The following SPATA6L variants were observed in gnomAD, a reference collection of about 807,000 sequenced individuals.
SPATA6L encodes spermatogenesis associated 6 like.
SPATA6L carries 68 observed loss-of-function variants against 49.2 expected under a neutral mutation model. That is an observed-to-expected ratio of 1.38 (90% CI 1.14 to 1.69). The LOEUF (loss-of-function observed/expected upper bound fraction) is 1.69, where lower values mean the gene tolerates loss of function less well. Among genes scored for constraint, SPATA6L ranks in the 40% most tolerant of loss-of-function variants. The pLI, the probability that SPATA6L is intolerant of heterozygous loss-of-function variation, is 0.00. For synonymous variants in SPATA6L, 198 were observed against 165.7 expected (o/e 1.19, Z -1.50); for missense variants, 668 against 464.3 (o/e 1.44, Z -4.03).
At chr9:4,616,180 G>A (rs1827948957) in intron 9 of SPATA6L, among the ~76,000 whole-genome samples, 1 of 152,166 alleles carries the variant, frequency 6.6e-6, no homozygotes, top group African/African-American at 2.4e-5. Context: ...AGGAGGCTGA[G>A]GCAGGAGGAT....
intron 13 of SPATA6L, among the ~76,000 whole-genome samples, chr9:4,592,619 T>C (rs1821980368): frequency 1.3e-5 from 2 of 152,194 alleles, no homozygotes; most frequent in South Asian, 4.2e-4. Context: ...TGCTAGAATA[T>C]CAATTATAAC....
intron 1 of SPATA6L, chr9:4,664,272 G>C (rs941170455): frequency 1.2e-5 from 2 of 166,950 alleles, no homozygotes; most frequent in African/African-American, 4.8e-5. Context: ...TCCTCTTTCA[G>C]GGTAATAAAG....
At position 4,645,609 on chromosome 9, in the gene SPATA6L, C is replaced by G. The variant is rs375108271; in HGVS notation, c.227-10210G>C. On this transcript the variant is annotated intron_variant, in intron 3 of 11. Transcript: ENST00000682582. The stretch of plus-strand genomic sequence containing the variant: ...ATCCATGAATAGATTAACCCATTCA[C>G]AATGGTAGAGCCCTCATTACCCAAT... Among the ~76,000 whole-genome samples the G allele has an allele frequency of 3.3e-5, 5 of 152,240 alleles. No individual in the cohort carries two copies. In the East Asian group the frequency reaches 9.6e-4, roughly 29 times the overall value.
Position 4,622,432 on chromosome 9 carries a change from C to T in SPATA6L, c.748G>A (p.Asp250Asn). 6.2e-7 allele frequency: 1 copy of T among 1,613,544 alleles called. No individual in the cohort carries two copies. Among genetic ancestry groups the T allele is most frequent in the South Asian group, 1.1e-5 (1 of 91,058 alleles). The stretch of plus-strand genomic sequence containing the variant: ...CCTCTTCTCGTTGGAAACGGAAAGT[C>T]TGAAAACTTAGATTTTCTTCTAGAC... ...RRSRRKSKFS[D>N]FPFPTRRASS... is the part of the protein sequence containing the mutation. Residue 250 changes from aspartate to asparagine, a missense_variant, in exon 7 of 12, where the codon GAC becomes AAC. Transcript: ENST00000682582.
At chr9:4,603,356 G>T (rs1009796351) in intron 11 of SPATA6L, among the ~76,000 whole-genome samples, 2 of 152,178 alleles carry the variant, frequency 1.3e-5, no homozygotes, top group East Asian at 3.9e-4. Flanking sequence ...CTTGAACCTG[G>T]GGGGTGGAGG....
At chr9:4,590,384 T>C (rs1404961558) in intron 13 of SPATA6L, among the ~76,000 whole-genome samples, 1 of 152,156 alleles carries the variant, frequency 6.6e-6, no homozygotes, top group South Asian at 2.1e-4. Flanking sequence ...AACCACACAA[T>C]TGATGTCCCA....
chr9:4,594,487 C>G (rs1751280755), downstream of SPATA6L, among the ~76,000 whole-genome samples: 1 of 152,204 alleles, frequency 6.6e-6, no homozygotes, highest in Non-Finnish European at 1.5e-5. Context: ...GCTGGGATTA[C>G]AGGTGTGAGC....
chr9:4,666,163 T>C (rs776189336), intron 1 of SPATA6L, 49 bp downstream of exon 1: 7 of 1,601,066 alleles, frequency 4.4e-6, no homozygotes, highest in Non-Finnish European at 6.0e-6. Flanking sequence ...CCTGAGACTA[T>C]TTAGAGTCCG....
chr9:4,607,766 C>A (rs1321146090), intron 9 of SPATA6L, among the ~76,000 whole-genome samples: 9 of 152,146 alleles, frequency 5.9e-5, no homozygotes, highest in African/African-American at 1.4e-4. Flanking sequence ...CTAACATCAT[C>A]ATGACAGGAT....
Position 4,598,436 on chromosome 9 carries a change from C to T in SPATA6L, c.*2375G>A, listed in dbSNP as rs370274663. Among the ~76,000 whole-genome samples, 23 of 152,006 alleles carry T rather than the reference C, an allele frequency of 1.5e-4. No individual in the cohort carries two copies. Among genetic ancestry groups the T allele is most frequent in the African/African-American group, 5.3e-4 (22 of 41,454 alleles). On this transcript the variant is annotated 3_prime_UTR_variant, in exon 12 of 12. Coordinates refer to ENST00000682582, the MANE Select transcript of SPATA6L (RefSeq NM_001353486.2). ...AAAATACTTCAACTGCAATCCTTGC[C>T]CCAGCATGATTCCTCAAAATTGAGA...
At chr9:4,614,217 C>A (rs1827444800) in intron 9 of SPATA6L, among the ~76,000 whole-genome samples, 1 of 152,182 alleles carries the variant, frequency 6.6e-6, no homozygotes, top group African/African-American at 2.4e-5. Context: ...ATACAGGGAA[C>A]AGGCTTGGCA....
chr9:4,656,667 G>T (rs1838295659), intron 2 of SPATA6L, among the ~76,000 whole-genome samples: 1 of 152,192 alleles, frequency 6.6e-6, no homozygotes, highest in African/African-American at 2.4e-5. Flanking sequence ...AATAAGAAGT[G>T]CAAGAAAATT....
At chr9:4,609,431 A>G (rs575564547) in intron 9 of SPATA6L, among the ~76,000 whole-genome samples, 2 of 152,354 alleles carry the variant, frequency 1.3e-5, no homozygotes, top group East Asian at 3.9e-4. Flanking sequence ...GCAGCACATC[A>G]AAAAGCTTAA....
In SPATA6L at chr9:4,605,340, G is replaced by T. The variant is rs776558526; in HGVS notation, c.1089+7C>A. 5.6e-6 allele frequency: 9 copies of T among 1,609,200 alleles called. No individual in the cohort carries two copies. The highest frequency in any genetic ancestry group is 5.5e-5 in the South Asian group (5 of 90,982). ...AGCAAAGATCTAGTTTTATAAGAAA[G>T]TCTAACCTTGTTTTGGTGCAGCTGT... is the stretch of plus-strand genomic sequence containing the variant. On this transcript the variant is annotated splice_region_variant and intron_variant, in intron 10 of 11. Transcript: ENST00000682582.
At chr9:4,612,007 G>A (rs1389036481) in intron 9 of SPATA6L, among the ~76,000 whole-genome samples, 2 of 151,072 alleles carry the variant, frequency 1.3e-5, no homozygotes, top group Non-Finnish European at 2.9e-5. Flanking sequence ...TGCCATGCCT[G>A]GCTATTTTTT....
chr9:4,600,244 C>A lies in SPATA6L; in HGVS notation c.*567G>T, dbSNP rs990761846. On this transcript the variant is annotated 3_prime_UTR_variant, in exon 12 of 12. Transcript: ENST00000682582. ...TTACAAATTTATCACAGACATTCAA[C>A]ATCTAAAACAAGATCTGAACTACCC... is the stretch of plus-strand genomic sequence containing the variant. Among the ~76,000 whole-genome samples, 2 of 152,178 alleles carry A rather than the reference C, an allele frequency of 1.3e-5. No homozygotes were observed. The highest frequency in any genetic ancestry group is 4.8e-5 in the African/African-American group (2 of 41,436).
At chr9:4,605,494 T>G in intron 9 of SPATA6L, 54 bp from the exon 10 acceptor site, 1 of 1,237,230 alleles carries the variant, frequency 8.1e-7, no homozygotes, top group Non-Finnish European at 1.2e-6. Context: ...AAAAGGACAC[T>G]TAAAGCACAT....
chr9:4,635,497 G>A lies in SPATA6L; in HGVS notation c.227-98C>T, dbSNP rs1439099657. On this transcript the variant is annotated intron_variant, in intron 3 of 11. Coordinates refer to ENST00000682582, the MANE Select transcript of SPATA6L (RefSeq NM_001353486.2). ...AGATGATGGCAGAGATGGCACTCAG[G>A]TAAAAATAGACATATTGATCCTAGC... 3.3e-6 allele frequency: 4 copies of A among 1,208,786 alleles called. No homozygotes were observed. The South Asian group carries it at 4.9e-5, about 15-fold the overall frequency. 74.9% of individuals were successfully genotyped at this position (1,208,786 alleles called of 1,614,324 possible).
At position 4,643,840 on chromosome 9, in the gene SPATA6L, A is replaced by G. The variant is rs969629625; in HGVS notation, c.227-8441T>C. Among the ~76,000 whole-genome samples, 9 of 152,104 alleles carry G rather than the reference A, an allele frequency of 5.9e-5. No individual in the cohort carries two copies. In the South Asian group the frequency reaches 1.9e-3, roughly 32 times the overall value. On this transcript the variant is annotated intron_variant, in intron 3 of 11. Transcript: ENST00000682582. The stretch of plus-strand genomic sequence containing the variant: ...GCCAACTTGGTGAAACCCTGACTCT[A>G]CAAAAAATACACAAAAATTAGCTGG...
Sources: gnomAD v4.1 joint callset for allele counts (sites outside exome capture counted in the v4.1 genomes callset) on GRCh38, gnomAD v4.1.1 for gene constraint, MANE v1.5 for transcripts, NCBI Gene and HGNC (gene_info 2026-07-23, HGNC 2026-07-21) for gene names.